The following FOXO3 variants were observed in gnomAD, a reference collection of about 807,000 sequenced individuals.
FOXO3 encodes forkhead box protein O3.
Under a neutral mutation model 41.9 loss-of-function variants are expected in FOXO3, and 4 were observed. The observed-to-expected ratio is 0.10, with a 90% CI of 0.05 to 0.22. The LOEUF (loss-of-function observed/expected upper bound fraction) is 0.22. Among genes scored for constraint, FOXO3 ranks in the 10% least tolerant of loss-of-function variants. The pLI, the probability that FOXO3 is intolerant of heterozygous loss-of-function variation, is 1.00. For synonymous variants in FOXO3, 318 were observed against 389.3 expected (o/e 0.82, Z 2.16); for missense variants, 534 against 906.8 (o/e 0.59, Z 5.28).
At chr6:108,626,200 A>G (rs1488817164) in intron 1 of FOXO3, among the ~76,000 whole-genome samples, 1 of 152,170 alleles carries the variant, frequency 6.6e-6, no homozygotes. Flanking sequence ...TGAAAATTTC[A>G]CTTACGAGTA....
In FOXO3 at chr6:108,663,650, G is replaced by T; in HGVS notation, c.817G>T (p.Ala273Ser). Reference sequence around the variant, plus strand: ...TGGCCGCGCAGCCAAGAAGAAGGCAGCCCTGCAGACAGCCCCCGAATCAGC... The same window carrying T: ...TGGCCGCGCAGCCAAGAAGAAGGCATCCCTGCAGACAGCCCCCGAATCAGC... Reference protein sequence around the residue: ...SRGRAAKKKAALQTAPESADD... With the variant: ...SRGRAAKKKASLQTAPESADD... The change falls in exon 2 of 3, where the codon GCC (alanine) becomes TCC (serine). Residue 273 changes from alanine (A) to serine (S), a missense_variant. Ala to Ser is a moderately conservative substitution (Grantham distance 99). Transcript: ENST00000406360. 1 of 1,613,284 alleles carries T rather than the reference G, an allele frequency of 6.2e-7. No individual in the cohort carries two copies. Among genetic ancestry groups the T allele is most frequent in the South Asian group, 1.1e-5 (1 of 90,996 alleles).
intron 1 of FOXO3, among the ~76,000 whole-genome samples, chr6:108,640,306 TGGGGCAACAGTACATA>T (rs1377734477): frequency 1.3e-5 from 2 of 152,202 alleles, no homozygotes; most frequent in Non-Finnish European, 2.9e-5. Context: ...TTGTCGTAAT[TGGGGCAACAGTACATA>T]CAGGCTGAAT....
At chr6:108,583,804 C>G (rs533817216) in intron 1 of FOXO3, among the ~76,000 whole-genome samples, 7 of 152,202 alleles carry the variant, frequency 4.6e-5, no homozygotes, top group Non-Finnish European at 8.8e-5. Flanking sequence ...ATTGAAAGGT[C>G]TGTGGCAAAT....
At chr6:108,645,649 T>C (rs1486881713) in intron 1 of FOXO3, among the ~76,000 whole-genome samples, 3 of 152,184 alleles carry the variant, frequency 2.0e-5, no homozygotes, top group Non-Finnish European at 2.9e-5. Context: ...TAGAAGATGA[T>C]AGAACCCAGC....
intron 1 of FOXO3, among the ~76,000 whole-genome samples, chr6:108,640,144 A>T (rs1488595878): frequency 6.6e-6 from 1 of 152,180 alleles, no homozygotes; most frequent in Non-Finnish European, 1.5e-5. Flanking sequence ...AATTTGGAGG[A>T]AGTGATGGGT....
chr6:108,665,814 A>AG (rs1779039473), intron 2 of FOXO3, among the ~76,000 whole-genome samples: 1 of 75,226 alleles, frequency 1.3e-5, no homozygotes, highest in East Asian at 3.1e-4. Flanking sequence ...ATCTCTTAGA[A>AG]AAAAAAAAAA....
At chr6:108,600,985 T>C (rs1188130551) in intron 1 of FOXO3, among the ~76,000 whole-genome samples, 1 of 152,146 alleles carries the variant, frequency 6.6e-6, no homozygotes, top group Non-Finnish European at 1.5e-5. Flanking sequence ...ACAGAACATT[T>C]CTTATCACTG....
intron 1 of FOXO3, among the ~76,000 whole-genome samples, chr6:108,608,014 C>G (rs1440218491): frequency 6.6e-6 from 1 of 152,140 alleles, no homozygotes. Context: ...GCAGGTCTAA[C>G]CTTCAGTCCT....
At chr6:108,666,695 C>G (rs1001932986) in intron 2 of FOXO3, among the ~76,000 whole-genome samples, 8 of 152,106 alleles carry the variant, frequency 5.3e-5, no homozygotes, top group Admixed American at 4.6e-4. Context: ...TCCTTATTCT[C>G]TCTAGCTGGT....
In FOXO3 at chr6:108,561,067, T is replaced by G. The variant is rs1775768292; in HGVS notation, c.-142T>G. On this transcript the variant is annotated 5_prime_UTR_variant, in exon 1 of 3. Transcript: ENST00000406360. ...CGGGATAACCAACTCTCCTTCTCTC[T>G]TCTTTGGTGCTTCCCCAGGCGGCGG... The G allele has an allele frequency of 2.1e-6, 3 of 1,424,076 alleles. No individual in the cohort carries two copies. The highest frequency in any genetic ancestry group is 6.0e-5 in the East Asian group (2 of 33,300). 88.2% of individuals were successfully genotyped at this position (1,424,076 alleles called of 1,614,324 possible). A position where few individuals can be genotyped will look rare whatever the true frequency, so the allele number is the denominator to read the frequency against.
In FOXO3 at chr6:108,661,522, C is replaced by T. The variant is rs1778863884; in HGVS notation, c.622-1933C>T. The stretch of plus-strand genomic sequence containing the variant: ...CATTTTACAGATTAGAATGAGCCTG[C>T]TGCAGGCCATGAACTCTCTCCACCA... On this transcript the variant is annotated intron_variant, in intron 1 of 2. Coordinates refer to ENST00000406360, the MANE Select transcript of FOXO3 (RefSeq NM_001455.4). Among the ~76,000 whole-genome samples the T allele has an allele frequency of 3.3e-5, 5 of 152,216 alleles. No individual in the cohort carries two copies. The South Asian group carries it at 1.0e-3, about 32-fold the overall frequency.
chr6:108,652,739 G>T (rs1778580349), intron 1 of FOXO3, among the ~76,000 whole-genome samples: 1 of 152,250 alleles, frequency 6.6e-6, no homozygotes, highest in Admixed American at 6.5e-5. Flanking sequence ...ATTTCCTTCA[G>T]ATTGTAGGTG....
intron 1 of FOXO3, among the ~76,000 whole-genome samples, chr6:108,574,182 G>A (rs559433066): frequency 6.4e-4 from 97 of 151,052 alleles, no homozygotes; most frequent in African/African-American, 2.3e-3. Context: ...AGAAGAATTA[G>A]CGCGTACCTG....
chr6:108,680,956 G>T lies in FOXO3; in HGVS notation c.*1164G>T, dbSNP rs989889738. ...AATCTGATCTGCTAGAAGTGTATGA[G>T]TGAGAGGCAATAGCATACAAACTGA... On this transcript the variant is annotated 3_prime_UTR_variant, in exon 3 of 3. Coordinates refer to ENST00000406360, the MANE Select transcript of FOXO3 (RefSeq NM_001455.4). The T allele has an allele frequency of 6.6e-6, 1 of 152,630 alleles. No homozygotes were observed. The highest frequency in any genetic ancestry group is 6.5e-5 in the Admixed American group (1 of 15,282). The allele number at this position is 152,630 out of a possible 1,614,324, so 9.5% of individuals were successfully genotyped here. A position where few individuals can be genotyped will look rare whatever the true frequency, so the allele number is the denominator to read the frequency against.
intron 1 of FOXO3, among the ~76,000 whole-genome samples, chr6:108,660,958 G>A (rs1482631954): frequency 6.6e-6 from 1 of 152,178 alleles, no homozygotes; most frequent in East Asian, 1.9e-4. Context: ...TACTCGGGAG[G>A]CTGAGGCAGG....
intron 1 of FOXO3, among the ~76,000 whole-genome samples, chr6:108,611,697 T>A (rs1777369359): frequency 1.4e-5 from 2 of 141,612 alleles, no homozygotes; most frequent in South Asian, 4.5e-4. Flanking sequence ...ATCTTTTGCC[T>A]TTTTTTTTTT....
intron 1 of FOXO3, among the ~76,000 whole-genome samples, chr6:108,634,767 A>G (rs763318687): frequency 6.6e-6 from 1 of 152,158 alleles, no homozygotes; most frequent in Non-Finnish European, 1.5e-5. Context: ...TGGGTTTATT[A>G]TAACAGTCTT....
chr6:108,567,889 G>A (rs932719806), intron 1 of FOXO3, among the ~76,000 whole-genome samples: 4 of 152,044 alleles, frequency 2.6e-5, no homozygotes, highest in Non-Finnish European at 5.9e-5. Context: ...TCTACTAAAA[G>A]TACAAAAAGC....
Position 108,680,907 on chromosome 6 carries a change from T to C in FOXO3, c.*1115T>C, listed in dbSNP as rs1376910338. 6.6e-6 allele frequency: 1 copy of C among 152,646 alleles called. No homozygotes were observed. Among genetic ancestry groups the C allele is most frequent in the Non-Finnish European group, 1.5e-5 (1 of 68,048 alleles). 9.5% of individuals were successfully genotyped at this position (152,646 alleles called of 1,614,324 possible). A position where few individuals can be genotyped will look rare whatever the true frequency, so the allele number is the denominator to read the frequency against. ...CACTGTTTTCCTAAATACACATCCTTGATTATTTTCAGCCTTGCTATATAA... is the reference window on the plus strand; with the variant it reads ...CACTGTTTTCCTAAATACACATCCTCGATTATTTTCAGCCTTGCTATATAA... On this transcript the variant is annotated 3_prime_UTR_variant, in exon 3 of 3. Transcript: ENST00000406360.
Sources: gnomAD v4.1 joint callset for allele counts (sites outside exome capture counted in the v4.1 genomes callset) on GRCh38, gnomAD v4.1.1 for gene constraint, MANE v1.5 for transcripts, NCBI Gene and HGNC (gene_info 2026-07-23, HGNC 2026-07-21) for gene names.